Variants in NOSIP observed in about 807,000 individuals in gnomAD.
NOSIP encodes the protein nitric oxide synthase interacting protein.
NOSIP carries 25 observed loss-of-function variants against 36.4 expected under a neutral mutation model. The ratio of observed to expected loss-of-function variants is 0.69; its 90% CI spans 0.50 to 0.96. NOSIP has a LOEUF of 0.96. NOSIP is among the 40% of genes least tolerant of loss of function. NOSIP has a pLI of 0.00. For synonymous variants in NOSIP, 187 were observed against 179.2 expected (o/e 1.04, Z -0.35); for missense variants, 370 against 429.0 (o/e 0.86, Z 1.21).
intron 3 of NOSIP, 21 bp from the exon 4 acceptor site, chr19:49,558,999 G>GAGAA (rs761989429): frequency 5.0e-6 from 8 of 1,602,212 alleles, no homozygotes; most frequent in Non-Finnish European, 6.0e-6. Flanking sequence ...AGGGTGCAAT[G>GAGAA]AGAAAGAAAG....
intron 1 of NOSIP, among the ~76,000 whole-genome samples, chr19:49,575,782 A>G (rs1229768272): frequency 6.6e-6 from 1 of 152,202 alleles, no homozygotes; most frequent in Non-Finnish European, 1.5e-5. Context: ...GGAATCACAT[A>G]TAATTGTCAT....
chr19:49,558,858 T>C (rs747287256), intron 4 of NOSIP, 39 bp downstream of exon 4: 10 of 1,545,486 alleles, frequency 6.5e-6, no homozygotes, highest in Non-Finnish European at 8.1e-6. Context: ...ACTCAAAAGC[T>C]CCTGCCTCCG....
chr19:49,555,669 T>A lies in NOSIP; in HGVS notation c.*82A>T, dbSNP rs752836348. On this transcript the variant is annotated 3_prime_UTR_variant, in exon 9 of 9. Transcript: ENST00000596358. ...CACGGCCCTGCATCCTCGCCTGCCC[T>A]GTCCCCGGGGCGCCCACGCCGCGAA... 8.3e-7 allele frequency: 1 copy of A among 1,198,430 alleles called. No individual in the cohort carries two copies. The highest frequency in any genetic ancestry group is 1.2e-6 in the Non-Finnish European group (1 of 810,500). The allele number at this position is 1,198,430 out of a possible 1,614,324, so 74.2% of individuals were successfully genotyped here.
chr19:49,560,565 G>A lies in NOSIP; in HGVS notation c.70+57C>T. The A allele has an allele frequency of 7.3e-7, 1 of 1,376,466 alleles. No individual in the cohort carries two copies. The highest frequency in any genetic ancestry group is 1.2e-5 in the South Asian group (1 of 80,584). 85.3% of individuals were successfully genotyped at this position (1,376,466 alleles called of 1,614,324 possible). On this transcript the variant is annotated intron_variant, in intron 2 of 8. Transcript: ENST00000596358. The surrounding 1 kb of genome is among the most constrained non-coding windows in gnomAD (Gnocchi z 4.6). ...GGAAGCAAAACCTGGGGCACGAGGG[G>A]AGAGGGTGACTCCAAGACACAGCCA...
intron 1 of NOSIP, among the ~76,000 whole-genome samples, chr19:49,575,516 C>T (rs1040175306): frequency 1.3e-5 from 2 of 152,134 alleles, no homozygotes; most frequent in Admixed American, 6.6e-5. Context: ...CAACATGAAG[C>T]GACCAGCTCT....
chr19:49,561,711 G>A (rs548251020), intron 1 of NOSIP, among the ~76,000 whole-genome samples: 3 of 152,024 alleles, frequency 2.0e-5, no homozygotes, highest in East Asian at 1.9e-4. Flanking sequence ...GTGAAACCCC[G>A]TCTCTACTAA....
Position 49,556,556 on chromosome 19 carries a change from G to A in NOSIP, c.718C>T (p.Arg240Trp). 1.2e-6 allele frequency: 2 copies of A among 1,603,838 alleles called. No individual in the cohort carries two copies. The highest frequency in any genetic ancestry group is 1.7e-6 in the Non-Finnish European group (2 of 1,177,558). Residue 240 changes from arginine (R) to tryptophan (W), a missense_variant, in exon 7 of 9, where the codon CGG becomes TGG. Transcript: ENST00000596358. ...CCCTCCCAGGTGACTCACGAGGGCC[G>A]CAGCACAGCGCAGGGGGTGGCGTTG... ...LSNATPCAVLRPSGAVVTLEC... is the reference protein window; with the variant it reads ...LSNATPCAVLWPSGAVVTLEC...
At chr19:49,556,291 G>C (rs752379701) in intron 8 of NOSIP, 26 bp downstream of exon 8, 3 of 1,522,814 alleles carry the variant, frequency 2.0e-6, no homozygotes, top group Non-Finnish European at 2.7e-6. Context: ...GGAGTGCTGG[G>C]GGAAGGGGAG....
At chr19:49,566,038 T>G (rs1029600897) in intron 1 of NOSIP, among the ~76,000 whole-genome samples, 1 of 152,030 alleles carries the variant, frequency 6.6e-6, no homozygotes, top group Admixed American at 6.6e-5. Context: ...TTTTTTTTTT[T>G]TGAGACAGTC....
Position 49,560,510 on chromosome 19 carries a change from T to C in NOSIP, c.70+112A>G, listed in dbSNP as rs2080318078. The C allele has an allele frequency of 1.3e-6, 1 of 765,322 alleles. No individual in the cohort carries two copies. The highest frequency in any genetic ancestry group is 2.2e-6 in the Non-Finnish European group (1 of 446,276). The allele number at this position is 765,322 out of a possible 1,614,324, so 47.4% of individuals were successfully genotyped here. A position where few individuals can be genotyped will look rare whatever the true frequency, so the allele number is the denominator to read the frequency against. On this transcript the variant is annotated intron_variant, in intron 2 of 8. Transcript: ENST00000596358. The surrounding 1 kb of genome is among the most constrained non-coding windows in gnomAD (Gnocchi z 4.6). ...TTACATGGTCATGGCCATCAGTGTA[T>C]ATCGGGGGCGGGAGAGAGACAGGGA...
chr19:49,569,923 T>A (rs935510965), intron 1 of NOSIP, among the ~76,000 whole-genome samples: 78 of 151,684 alleles, frequency 5.1e-4, no homozygotes, highest in African/African-American at 1.9e-3. Flanking sequence ...ACCAGCCTGG[T>A]CAACATGGTA....
At chr19:49,563,571 A>G (rs1423961872) in intron 1 of NOSIP, among the ~76,000 whole-genome samples, 21 of 149,338 alleles carry the variant, frequency 1.4e-4, no homozygotes, top group Non-Finnish European at 2.8e-4. Flanking sequence ...TCAGCTCACT[A>G]CAACCTCCGC....
intron 1 of NOSIP, 124 bp downstream of exon 1, chr19:49,580,391 T>C (rs2080610752): frequency 6.6e-6 from 1 of 152,062 alleles, no homozygotes; most frequent in South Asian, 2.1e-4. Context: ...GACAGCTGTA[T>C]TAATAATGAT....
intron 1 of NOSIP, among the ~76,000 whole-genome samples, chr19:49,578,101 T>C (rs1278571644): frequency 2.6e-5 from 4 of 152,084 alleles, no homozygotes; most frequent in Non-Finnish European, 4.4e-5. Flanking sequence ...GGGTGAACTA[T>C]ATGTTAGGTA....
At position 49,568,812 on chromosome 19, in the gene NOSIP, T is replaced by TTG. The variant is rs1179998410; in HGVS notation, c.-1-8121_-1-8120insCA. 2.1e-3 allele frequency among the ~76,000 whole-genome samples: 301 copies of TTG among 142,784 alleles called. 14 individuals are homozygous for TTG. The highest frequency in any genetic ancestry group is 7.9e-3 in the African/African-American group (284 of 36,100). 93.7% of individuals were successfully genotyped at this position (142,784 alleles called of 152,430 possible). A position where few individuals can be genotyped will look rare whatever the true frequency, so the allele number is the denominator to read the frequency against. Reference sequence around the variant, plus strand: ...AAAAAAAAATAGTTTGTTTGTTTGTTTTTTTTTTTGAGACAGAGTCTTGCT... The same window carrying TTG: ...AAAAAAAAATAGTTTGTTTGTTTGTTTGTTTTTTTTTGAGACAGAGTCTTGCT... On this transcript the variant is annotated intron_variant, in intron 1 of 8. Coordinates refer to ENST00000596358, the MANE Select transcript of NOSIP (RefSeq NM_001270960.2).
At chr19:49,575,086 A>G (rs1395570104) in intron 1 of NOSIP, among the ~76,000 whole-genome samples, 1 of 151,794 alleles carries the variant, frequency 6.6e-6, no homozygotes, top group Non-Finnish European at 1.5e-5. Flanking sequence ...GATGGTCTCT[A>G]TCTCCTGACT....
intron 1 of NOSIP, among the ~76,000 whole-genome samples, chr19:49,577,688 C>G (rs1427438560): frequency 6.7e-6 from 1 of 148,922 alleles, no homozygotes. Flanking sequence ...TCACTTGAAC[C>G]CAGGAGGTTG....
intron 1 of NOSIP, among the ~76,000 whole-genome samples, chr19:49,577,421 G>A (rs1366896389): frequency 6.6e-6 from 1 of 152,106 alleles, no homozygotes; most frequent in African/African-American, 2.4e-5. Flanking sequence ...GCTAGGCGTG[G>A]TAGCGCATGC....
intron 1 of NOSIP, among the ~76,000 whole-genome samples, chr19:49,561,024 G>GA (rs567601029): frequency 6.0e-5 from 9 of 150,846 alleles, no homozygotes; most frequent in South Asian, 2.1e-4. Flanking sequence ...TAATGGAGGG[G>GA]AAAAAAAAAG....
Sources: gnomAD v4.1 joint callset for allele counts (sites outside exome capture counted in the v4.1 genomes callset) on GRCh38, gnomAD v4.1.1 for gene constraint, Gnocchi (gnomAD v3.1) non-coding constraint, MANE v1.5 for transcripts, NCBI Gene and HGNC (gene_info 2026-07-23, HGNC 2026-07-21) for gene names.